The following GRM5 variants were observed in gnomAD, a reference collection of about 807,000 sequenced individuals.
The protein encoded by GRM5 is glutamate metabotropic receptor 5, also known as metabotropic glutamate receptor 5.
A neutral mutation model predicts 83.1 loss-of-function variants in GRM5; 19 were observed. That is an observed-to-expected ratio of 0.23 (90% confidence interval 0.16 to 0.34). GRM5 has a LOEUF of 0.34. GRM5 is among the 10% of genes least tolerant of loss of function. The pLI is 1.00. For missense variants in GRM5, 1,160 were observed against 1,588.3 expected, an observed-to-expected ratio of 0.73 and a Z score of 4.58; for synonymous variants, 675 against 633.6, an observed-to-expected ratio of 1.07 and a Z score of -0.98.
At chr11:88,911,706 C>A (rs1222108539) in intron 2 of GRM5, among the ~76,000 whole-genome samples, 1 of 152,080 alleles carries the variant, frequency 6.6e-6, no homozygotes. Flanking sequence ...GCAAGTTGAA[C>A]CAGATCACTG....
chr11:88,846,376 C>G (rs953040916), intron 3 of GRM5, among the ~76,000 whole-genome samples: 1 of 152,154 alleles, frequency 6.6e-6, no homozygotes, highest in African/African-American at 2.4e-5. Context: ...AAGTGTTTAG[C>G]AAGACTATTT....
At chr11:88,953,343 A>G (rs1787349748) in intron 2 of GRM5, among the ~76,000 whole-genome samples, 1 of 152,190 alleles carries the variant, frequency 6.6e-6, no homozygotes, top group Non-Finnish European at 1.5e-5. Context: ...CATACCATAG[A>G]ATTGGGCAGG....
chr11:88,629,958 TC>T (rs1293285831), intron 4 of GRM5, among the ~76,000 whole-genome samples: 1 of 152,196 alleles, frequency 6.6e-6, no homozygotes, highest in Non-Finnish European at 1.5e-5. Flanking sequence ...TCTACTTGTT[TC>T]CCCAACTTAC....
At chr11:88,570,637 T>C (rs35520619) in intron 7 of GRM5, among the ~76,000 whole-genome samples, 1 of 139,804 alleles carries the variant, frequency 7.2e-6, no homozygotes, top group Non-Finnish European at 1.5e-5. Context: ...TAGAGTGCAG[T>C]GGTGTGATCT....
chr11:88,983,216 G>A (rs1591018467), intron 2 of GRM5, among the ~76,000 whole-genome samples: 1 of 152,218 alleles, frequency 6.6e-6, no homozygotes, highest in South Asian at 2.1e-4. Flanking sequence ...AAATCTGTTG[G>A]ATTATATCAT....
At chr11:88,972,270 C>G (rs559301532) in intron 2 of GRM5, among the ~76,000 whole-genome samples, 5 of 152,076 alleles carry the variant, frequency 3.3e-5, no homozygotes, top group East Asian at 1.9e-4. Context: ...ACTTCTCCCC[C>G]ACACAGAAAC....
rs1178157363 is a variant in GRM5 at position 88,506,531 on chromosome 11, C to CT, written c.*2060dup. 6.6e-6 allele frequency: 1 copy of CT among 152,066 alleles called. No individual in the cohort carries two copies. The highest frequency in any genetic ancestry group is 2.4e-5 in the African/African-American group (1 of 41,406). The allele number at this position is 152,066 out of a possible 1,614,324, so 9.4% of individuals were successfully genotyped here. On this transcript the variant is annotated 3_prime_UTR_variant, in exon 10 of 10. Transcript: ENST00000305447. ...ATTTGCTTTTAATGAAACCATGAAA[C>CT]TTAGCTAGATTTCACTTACATTTTA...
intron 1 of GRM5, among the ~76,000 whole-genome samples, chr11:89,053,682 CAAAA>C (rs56034890): frequency 3.4e-5 from 5 of 148,170 alleles, no homozygotes; most frequent in Admixed American, 6.7e-5. Context: ...TGTTTAAAAG[CAAAA>C]AAAAAAAAAC....
intron 9 of GRM5, among the ~76,000 whole-genome samples, chr11:88,522,730 G>A (rs927589795): frequency 6.6e-6 from 1 of 151,928 alleles, no homozygotes; most frequent in African/African-American, 2.4e-5. Flanking sequence ...CTGCTTATCT[G>A]TGTGGCTGAG....
intron 1 of GRM5, among the ~76,000 whole-genome samples, chr11:89,054,114 C>T (rs1565353711): frequency 3.3e-5 from 5 of 151,988 alleles, no homozygotes; most frequent in Non-Finnish European, 4.4e-5. Flanking sequence ...AATAAGGGCA[C>T]GAAGGCAGAA....
intron 7 of GRM5, among the ~76,000 whole-genome samples, chr11:88,581,260 G>C (rs972157347): frequency 6.6e-6 from 1 of 152,236 alleles, no homozygotes; most frequent in African/African-American, 2.4e-5. Context: ...TAACAGTAGA[G>C]TGATAATAGT....
intron 3 of GRM5, among the ~76,000 whole-genome samples, chr11:88,719,282 C>A (rs776927356): frequency 6.6e-6 from 1 of 151,890 alleles, no homozygotes; most frequent in Admixed American, 6.6e-5. Flanking sequence ...GTATTCTCAT[C>A]GTTTAGCTCC....
intron 3 of GRM5, among the ~76,000 whole-genome samples, chr11:88,653,702 T>C (rs1178894396): frequency 1.3e-5 from 2 of 152,086 alleles, no homozygotes; most frequent in Non-Finnish European, 2.9e-5. Context: ...AGTATATACA[T>C]GGAAGCTGCA....
At chr11:88,940,403 G>C (rs925454012) in intron 2 of GRM5, among the ~76,000 whole-genome samples, 1 of 78,466 alleles carries the variant, frequency 1.3e-5, no homozygotes, top group Non-Finnish European at 2.7e-5. Context: ...TCTTTTTTTT[G>C]TCATTTGCTT....
At chr11:88,958,504 C>T (rs189119914) in intron 2 of GRM5, among the ~76,000 whole-genome samples, 4 of 151,916 alleles carry the variant, frequency 2.6e-5, no homozygotes, top group Admixed American at 2.6e-4. Context: ...AATGATTGTT[C>T]CTCTAAGGCT....
chr11:88,653,238 C>T lies in GRM5; in HGVS notation c.1077G>A (p.Trp359Ter). Reference protein sequence around the residue: ...NHRNPWFQEFWQHRFQCRLEG... With the variant: ...NHRNPWFQEF ...CCAGTCGGCACTGAAAACGATGCTG[C>T]CAAAATTCTTGAAACCAAGGGTTTC... The change falls in exon 4 of 10, where the codon TGG becomes TGA. Residue 359 changes from tryptophan (W) to a stop codon, truncating the protein, a stop_gained. Coordinates refer to ENST00000305447, the MANE Select transcript of GRM5 (RefSeq NM_001143831.3). LOFTEE classifies it high-confidence loss of function. 2 of 1,613,132 alleles carry T rather than the reference C, an allele frequency of 1.2e-6. No individual in the cohort carries two copies. The highest frequency in any genetic ancestry group is 1.7e-6 in the Non-Finnish European group (2 of 1,179,432).
chr11:88,982,743 A>G (rs1366124669), intron 2 of GRM5, among the ~76,000 whole-genome samples: 1 of 152,190 alleles, frequency 6.6e-6, no homozygotes, highest in African/African-American at 2.4e-5. Flanking sequence ...TTAACTGTTA[A>G]AATCAGTACA....
At chr11:88,634,461 A>AT (rs1486107729) in intron 4 of GRM5, among the ~76,000 whole-genome samples, 2 of 151,864 alleles carry the variant, frequency 1.3e-5, no homozygotes, top group South Asian at 2.1e-4. Context: ...ATCTTTTCCT[A>AT]TTTTTTATTT....
chr11:88,616,984 T>C (rs1209744676), intron 4 of GRM5, among the ~76,000 whole-genome samples: 4 of 152,120 alleles, frequency 2.6e-5, no homozygotes, highest in Admixed American at 6.6e-5. Flanking sequence ...TATTAATATA[T>C]GTTAAGCACA....
Sources: allele counts gnomAD v4.1 joint callset (sites outside exome capture counted in the v4.1 genomes callset), GRCh38; gene constraint gnomAD v4.1.1; transcripts MANE v1.5; gene names NCBI Gene and HGNC (gene_info 2026-07-23, HGNC 2026-07-21).